Variants in TNIK observed in about 807,000 individuals in gnomAD.
The protein encoded by TNIK is TRAF2 and NCK-interacting protein kinase.
A neutral mutation model predicts 191.3 loss-of-function variants in TNIK; 49 were observed. The ratio of observed to expected loss-of-function variants is 0.26; its 90% CI spans 0.20 to 0.32. The LOEUF (loss-of-function observed/expected upper bound fraction) is 0.32. Among genes scored for constraint, TNIK ranks in the 10% least tolerant of loss-of-function variants. The probability of loss-of-function intolerance (pLI) is 1.00; values close to 1 mark genes in which losing one functional copy is unlikely to be tolerated. For synonymous variants in TNIK, 594 were observed against 600.9 expected (o/e 0.99, Z 0.17); for missense variants, 1,155 against 1,702.3 (o/e 0.68, Z 5.66).
At chr3:171,261,368 C>T (rs966443291) in intron 2 of TNIK, among the ~76,000 whole-genome samples, 3 of 152,204 alleles carry the variant, frequency 2.0e-5, no homozygotes, top group Non-Finnish European at 2.9e-5. Flanking sequence ...CAAGCAAAAT[C>T]GATTGCTTCC....
intron 2 of TNIK, among the ~76,000 whole-genome samples, chr3:171,362,684 T>C (rs1182415996): frequency 6.6e-6 from 1 of 152,116 alleles, no homozygotes. Flanking sequence ...TATACTTGAG[T>C]TTTCATTAAC....
At chr3:171,173,860 C>T (rs1232108394) in intron 9 of TNIK, among the ~76,000 whole-genome samples, 2 of 152,102 alleles carry the variant, frequency 1.3e-5, no homozygotes, top group African/African-American at 4.8e-5. Flanking sequence ...GTGTCACTGT[C>T]ACTTCCAGGG....
intron 1 of TNIK, among the ~76,000 whole-genome samples, chr3:171,419,240 G>A (rs1487334494): frequency 6.6e-6 from 1 of 152,180 alleles, no homozygotes; most frequent in South Asian, 2.1e-4. Context: ...GTATGTGAAA[G>A]AAGCCAGTCA....
chr3:171,397,470 G>C (rs1249258381), intron 1 of TNIK, among the ~76,000 whole-genome samples: 2 of 152,168 alleles, frequency 1.3e-5, no homozygotes, highest in African/African-American at 4.8e-5. Context: ...GGAGGACCTA[G>C]GAAGCAGAAA....
At chr3:171,284,786 T>A (rs1750842371) in intron 2 of TNIK, among the ~76,000 whole-genome samples, 1 of 152,172 alleles carries the variant, frequency 6.6e-6, no homozygotes, top group Admixed American at 6.5e-5. Flanking sequence ...CTAGCAAATA[T>A]GTATTAATAC....
intron 1 of TNIK, among the ~76,000 whole-genome samples, chr3:171,435,134 T>C (rs775310392): frequency 2.6e-5 from 4 of 152,210 alleles, no homozygotes; most frequent in Admixed American, 6.5e-5. Flanking sequence ...TCACAGTCTT[T>C]AGATAATATC....
At chr3:171,245,910 AAG>A (rs987681886) in intron 2 of TNIK, among the ~76,000 whole-genome samples, 5 of 152,148 alleles carry the variant, frequency 3.3e-5, no homozygotes, top group African/African-American at 1.2e-4. Context: ...GAGAGAGAGA[AAG>A]AGAGAGAAAC....
chr3:171,262,414 T>C (rs1364520068), intron 2 of TNIK, among the ~76,000 whole-genome samples: 2 of 152,146 alleles, frequency 1.3e-5, no homozygotes, highest in African/African-American at 4.8e-5. Flanking sequence ...TCTCAATTTG[T>C]CTTGTCCCCC....
intron 2 of TNIK, among the ~76,000 whole-genome samples, chr3:171,290,948 C>T: frequency 6.6e-6 from 1 of 152,134 alleles, no homozygotes; most frequent in East Asian, 1.9e-4. Flanking sequence ...TGTTAGTTTA[C>T]CCATACCATA....
chr3:171,216,646 T>C (rs1225790376), intron 3 of TNIK, among the ~76,000 whole-genome samples: 2 of 152,182 alleles, frequency 1.3e-5, no homozygotes, highest in African/African-American at 4.8e-5. Context: ...GGTCTGCTTT[T>C]TAAATCACAG....
At chr3:171,236,015 C>G (rs1026369891) in intron 2 of TNIK, among the ~76,000 whole-genome samples, 1 of 152,028 alleles carries the variant, frequency 6.6e-6, no homozygotes, top group Admixed American at 6.6e-5. Context: ...TCCCTAATGC[C>G]CTTAAAACGC....
chr3:171,305,815 G>A (rs1030786833), intron 2 of TNIK, among the ~76,000 whole-genome samples: 1 of 152,052 alleles, frequency 6.6e-6, no homozygotes, highest in African/African-American at 2.4e-5. Flanking sequence ...GAGATTACTC[G>A]AAGAACCTAA....
intron 1 of TNIK, among the ~76,000 whole-genome samples, chr3:171,446,791 A>G (rs964807670): frequency 2.0e-5 from 3 of 152,062 alleles, no homozygotes; most frequent in Non-Finnish European, 2.9e-5. Flanking sequence ...TATGATCATC[A>G]CAGAGTCAGC....
chr3:171,217,743 G>A (rs1034993115), intron 3 of TNIK, among the ~76,000 whole-genome samples: 3 of 152,088 alleles, frequency 2.0e-5, no homozygotes, highest in Non-Finnish European at 4.4e-5. Flanking sequence ...GCAAAATTAC[G>A]ACCATGAGAA....
intron 1 of TNIK, among the ~76,000 whole-genome samples, chr3:171,438,032 G>C (rs1726240978): frequency 6.6e-6 from 1 of 152,222 alleles, no homozygotes; most frequent in African/African-American, 2.4e-5. Context: ...GCATAGAGCA[G>C]ACATGGGAAT....
chr3:171,146,009 G>A (rs911583370), intron 12 of TNIK, among the ~76,000 whole-genome samples: 12 of 152,224 alleles, frequency 7.9e-5, no homozygotes, highest in Non-Finnish European at 1.3e-4. Context: ...TACTAGGCAA[G>A]TGTATAGTTT....
At chr3:171,298,237 T>G (rs1341286730) in intron 2 of TNIK, among the ~76,000 whole-genome samples, 1 of 152,232 alleles carries the variant, frequency 6.6e-6, no homozygotes, top group Non-Finnish European at 1.5e-5. Flanking sequence ...TCATTCATGG[T>G]CTTAGCCTTA....
chr3:171,094,982 T>C (rs1722530064), intron 22 of TNIK, among the ~76,000 whole-genome samples: 1 of 152,210 alleles, frequency 6.6e-6, no homozygotes, highest in Admixed American at 6.5e-5. Flanking sequence ...ATTAGATCCA[T>C]GGGCTTTATG....
chr3:171,228,042 G>T, intron 3 of TNIK, 123 bp downstream of exon 3: 1 of 1,092,462 alleles, frequency 9.2e-7, no homozygotes. Context: ...CAGGTTATGT[G>T]TATTAAATGC....
Sources: gnomAD v4.1 joint callset for allele counts (sites outside exome capture counted in the v4.1 genomes callset) on GRCh38, gnomAD v4.1.1 for gene constraint, MANE v1.5 for transcripts, NCBI Gene and HGNC (gene_info 2026-07-23, HGNC 2026-07-21) for gene names.